NETO1: variants seen among roughly 807,000 people sequenced by gnomAD.
NETO1 encodes the protein neuropilin and tolloid like 1, also known as neuropilin and tolloid-like protein 1.
Under a neutral mutation model 61.3 loss-of-function variants are expected in NETO1, and 26 were observed. That is an observed-to-expected ratio of 0.42 (90% CI 0.31 to 0.59). The LOEUF (loss-of-function observed/expected upper bound fraction) is 0.59, where lower values mean the gene tolerates loss of function less well. Among genes scored for constraint, NETO1 ranks in the 20% least tolerant of loss-of-function variants. NETO1 has a pLI of 0.12. For synonymous variants in NETO1, 225 were observed against 225.8 expected (o/e 1.00, Z 0.03); for missense variants, 531 against 662.8 (o/e 0.80, Z 2.18).
chr18:72,777,979 G>A (rs1281717895), intron 7 of NETO1, among the ~76,000 whole-genome samples: 4 of 152,030 alleles, frequency 2.6e-5, no homozygotes, highest in African/African-American at 4.8e-5. Context: ...CTCTCTGTCC[G>A]GGTTCCAAGC....
In NETO1 at chr18:72,763,380, C is replaced by T. The variant is rs143077110; in HGVS notation, c.869-7233G>A. ...TCATTACACCACTGGAACACATGTT[C>T]CCTGGACTTAGGGTCTGGCTCTCTT... On this transcript the variant is annotated intron_variant, in intron 7 of 10. Transcript: ENST00000327305. Among the ~76,000 whole-genome samples, 381 of 152,262 alleles carry T rather than the reference C, an allele frequency of 2.5e-3. 1 individual carries two copies. Among genetic ancestry groups the T allele is most frequent in the Middle Eastern group, 6.8e-3 (2 of 294 alleles).
At chr18:72,782,902 A>G (rs2071792652) in intron 7 of NETO1, among the ~76,000 whole-genome samples, 1 of 152,216 alleles carries the variant, frequency 6.6e-6, no homozygotes, top group Non-Finnish European at 1.5e-5. Flanking sequence ...TTCTCTAATA[A>G]TTAATGATGC....
At chr18:72,865,303 A>G (rs2074702689) in intron 1 of NETO1, 62 bp from the exon 2 acceptor site, 3 of 1,332,542 alleles carry the variant, frequency 2.3e-6, no homozygotes, top group East Asian at 4.8e-5. Flanking sequence ...CCATAAAAAC[A>G]TAACATAATT....
intron 1 of NETO1, chr18:72,865,691 TG>T: frequency 6.5e-7 from 1 of 1,549,496 alleles, no homozygotes; most frequent in African/African-American, 1.4e-5. Context: ...CATACTGCAG[TG>T]TGGCTGTATT....
rs778666191 is a variant in NETO1 at position 72,756,027 on chromosome 18, T to G, written c.982+7A>C. 1.3e-6 allele frequency: 2 copies of G among 1,535,730 alleles called. No individual in the cohort carries two copies. Among genetic ancestry groups the G allele is most frequent in the South Asian group, 2.3e-5 (2 of 87,254 alleles). ...ATTTTTTTCAAATTTCAGGCACTAATCATTACCTTTACAGTGATTTTCATC... is the reference window on the plus strand; with the variant it reads ...ATTTTTTTCAAATTTCAGGCACTAAGCATTACCTTTACAGTGATTTTCATC... On this transcript the variant is annotated splice_region_variant and intron_variant, in intron 8 of 10. Transcript: ENST00000327305.
At chr18:72,865,110 A>C (rs1418970685) in intron 2 of NETO1, 78 bp downstream of exon 2, 17 of 1,464,170 alleles carry the variant, frequency 1.2e-5, no homozygotes, top group Non-Finnish European at 1.6e-5. Context: ...ATATTCTGGA[A>C]TATTAACAGT....
chr18:72,808,419 TTGTGTGTGTGTG>T (rs368047239), intron 4 of NETO1, among the ~76,000 whole-genome samples: 3 of 141,830 alleles, frequency 2.1e-5, no homozygotes, highest in Non-Finnish European at 4.6e-5. Flanking sequence ...CACTGCAGAT[TTGTGTGTGTGTG>T]TGTGTGTGTG....
chr18:72,843,948 G>C (rs561638455), intron 4 of NETO1, among the ~76,000 whole-genome samples: 1 of 152,204 alleles, frequency 6.6e-6, no homozygotes, highest in East Asian at 1.9e-4. Flanking sequence ...TTTAATATGC[G>C]GATGTCTCAG....
At chr18:72,786,578 G>A (rs150018432) in intron 6 of NETO1, among the ~76,000 whole-genome samples, 44 of 152,046 alleles carry the variant, frequency 2.9e-4, no homozygotes, top group African/African-American at 9.9e-4. Flanking sequence ...AGAGACATAT[G>A]CCCCAACGAG....
At chr18:72,786,817 T>TA (rs35606307) in intron 6 of NETO1, among the ~76,000 whole-genome samples, 32 of 145,708 alleles carry the variant, frequency 2.2e-4, no homozygotes, top group Non-Finnish European at 3.5e-4. Context: ...TAACATGACT[T>TA]AAAAAAAAAA....
intron 7 of NETO1, among the ~76,000 whole-genome samples, chr18:72,768,779 A>C (rs562317600): frequency 1.5e-4 from 23 of 152,238 alleles, no homozygotes; most frequent in Non-Finnish European, 2.9e-4. Context: ...AAAGGAAGGA[A>C]ATGTACTCTA....
At chr18:72,834,890 G>C in intron 4 of NETO1, 2 of 843,108 alleles carry the variant, frequency 2.4e-6, no homozygotes, top group Non-Finnish European at 2.8e-6. Context: ...TATCGAAAAA[G>C]ATTATATAAT....
chr18:72,779,806 A>G (rs1271729261), intron 7 of NETO1, among the ~76,000 whole-genome samples: 1 of 152,214 alleles, frequency 6.6e-6, no homozygotes, highest in Non-Finnish European at 1.5e-5. Flanking sequence ...GCAAACTACA[A>G]TAAATTAGGT....
intron 4 of NETO1, among the ~76,000 whole-genome samples, chr18:72,820,130 T>C (rs1240964976): frequency 6.6e-6 from 1 of 152,236 alleles, no homozygotes; most frequent in African/African-American, 2.4e-5. Context: ...TAAGGTACTC[T>C]AAAAAATTTT....
chr18:72,783,964 C>A, intron 6 of NETO1, 58 bp from the exon 7 acceptor site: 1 of 1,186,850 alleles, frequency 8.4e-7, no homozygotes, highest in Non-Finnish European at 1.2e-6. Context: ...ACATCAGTAT[C>A]AGAACTCCTT....
chr18:72,744,264 TG>T lies in NETO1; in HGVS notation c.*3914del, dbSNP rs1446199778. On this transcript the variant is annotated 3_prime_UTR_variant, in exon 11 of 11. Transcript: ENST00000327305. ...TGATGATACAATTCAGTTAAATTTG[TG>T]GTACAATTCAAACAAGTTTATTAAT... 2.0e-5 allele frequency: 3 copies of T among 152,218 alleles called. No homozygotes were observed. Among genetic ancestry groups the T allele is most frequent in the Non-Finnish European group, 4.4e-5 (3 of 68,040 alleles). 9.4% of individuals were successfully genotyped at this position (152,218 alleles called of 1,614,324 possible). A position where few individuals can be genotyped will look rare whatever the true frequency, so the allele number is the denominator to read the frequency against.
At chr18:72,806,330 A>G (rs1161065291) in intron 4 of NETO1, among the ~76,000 whole-genome samples, 2 of 152,184 alleles carry the variant, frequency 1.3e-5, no homozygotes, top group Non-Finnish European at 2.9e-5. Context: ...TCCATGAGCT[A>G]GGAAGTTATT....
In NETO1 at chr18:72,783,761, G is replaced by C. The variant is rs1257443458; in HGVS notation, c.785C>G (p.Thr262Arg). The change falls in exon 7 of 11, where the codon ACG (threonine) becomes AGG (arginine). Residue 262 changes from threonine to arginine, a missense_variant. Physicochemically the swap from Thr to Arg is moderately conservative, Grantham distance 71. Transcript: ENST00000327305. ...CCACATGCGGATCACCCCAAGACCC[G>C]TGCGTAGCATGACATCATTAGCCAC... ...STVANDVMLR[T>R]GLGVIRMWAD... is the part of the protein sequence containing the mutation. 1 of 1,614,172 alleles carries C rather than the reference G, an allele frequency of 6.2e-7. No individual in the cohort carries two copies. The highest frequency in any genetic ancestry group is 1.1e-5 in the South Asian group (1 of 91,086).
At chr18:72,857,726 A>G (rs893599293) in intron 4 of NETO1, among the ~76,000 whole-genome samples, 4 of 152,182 alleles carry the variant, frequency 2.6e-5, no homozygotes, top group African/African-American at 9.6e-5. Context: ...TGAAATACCC[A>G]TGATTTCTGT....
Sources: gnomAD v4.1 joint callset for allele counts (sites outside exome capture counted in the v4.1 genomes callset) on GRCh38, gnomAD v4.1.1 for gene constraint, MANE v1.5 for transcripts, NCBI Gene and HGNC (gene_info 2026-07-23, HGNC 2026-07-21) for gene names.